Variants in SPECC1 observed in about 807,000 individuals in gnomAD.
The protein encoded by SPECC1 is cytospin-B.
A neutral mutation model predicts 104.1 loss-of-function variants in SPECC1; 62 were observed. That is an observed-to-expected ratio of 0.60 (90% CI 0.49 to 0.74). The LOEUF (loss-of-function observed/expected upper bound fraction) is 0.74. Among genes scored for constraint, SPECC1 ranks in the 30% least tolerant of loss-of-function variants. The probability of loss-of-function intolerance (pLI) is 0.00; values close to 1 mark genes in which losing one functional copy is unlikely to be tolerated. For missense variants in SPECC1, 1,306 were observed against 1,310.5 expected (o/e 1.00, Z 0.05); for synonymous variants, 513 against 501.6 (o/e 1.02, Z -0.30).
chr17:20,298,416 G>A lies in SPECC1; in HGVS notation c.3057+1339G>A, dbSNP rs576203141. On this transcript the variant is annotated intron_variant, in intron 13 of 14. Transcript: ENST00000395527. The stretch of plus-strand genomic sequence containing the variant: ...GGGCTATGGAGCAGCAGCAGCTGGG[G>A]AACACCTTGGTGTTGTCCAGGCCGT... 5.3e-5 allele frequency among the ~76,000 whole-genome samples: 8 copies of A among 152,330 alleles called. No homozygotes were observed. The East Asian group carries it at 7.7e-4, about 15-fold the overall frequency.
At chr17:20,233,298 G>A (rs1027930560) in intron 7 of SPECC1, among the ~76,000 whole-genome samples, 3 of 152,162 alleles carry the variant, frequency 2.0e-5, no homozygotes, top group Non-Finnish European at 4.4e-5. Flanking sequence ...ATGTTTCCAA[G>A]ATCAGTGGCT....
At chr17:20,164,237 G>A (rs753788978) in intron 3 of SPECC1, among the ~76,000 whole-genome samples, 3 of 150,444 alleles carry the variant, frequency 2.0e-5, no homozygotes, top group Non-Finnish European at 3.0e-5. Context: ...GCAGTGGTGC[G>A]ATGCTGGCCC....
intron 10 of SPECC1, among the ~76,000 whole-genome samples, chr17:20,256,398 G>A (rs1027179839): frequency 6.6e-6 from 1 of 152,108 alleles, no homozygotes; most frequent in African/African-American, 2.4e-5. Flanking sequence ...GAGGTCATTG[G>A]AAGCTGCAGA....
rs537087341 is a variant in SPECC1, at chr17:20,075,437, C to T, written c.-21-21194C>T. Among the ~76,000 whole-genome samples, 9 of 152,262 alleles carry T rather than the reference C, an allele frequency of 5.9e-5. No homozygotes were observed. The East Asian group carries it at 7.7e-4, about 13-fold the overall frequency. Reference sequence around the variant, plus strand: ...TCAATCCAGAGCTCATGCTCTGATACGGCATTTCAGTAAATTCAGAAATTG... The same window carrying T: ...TCAATCCAGAGCTCATGCTCTGATATGGCATTTCAGTAAATTCAGAAATTG... On this transcript the variant is annotated intron_variant, in intron 1 of 14. Coordinates refer to ENST00000395527, the MANE Select transcript of SPECC1 (RefSeq NM_001243439.2).
At chr17:20,096,527 T>C in intron 1 of SPECC1, 104 bp from the exon 2 acceptor site, 2 of 1,304,794 alleles carry the variant, frequency 1.5e-6, no homozygotes, top group Non-Finnish European at 2.1e-6. Context: ...GCTCCTACTC[T>C]GTGATAGTTC....
Position 20,315,478 on chromosome 17 carries a change from AGTT to A in SPECC1, c.*1417_*1419del, listed in dbSNP as rs1412408357. 3 of 232,752 alleles carry A rather than the reference AGTT, an allele frequency of 1.3e-5. No individual in the cohort carries two copies. The highest frequency in any genetic ancestry group is 6.6e-5 in the African/African-American group (3 of 45,292). 14.4% of individuals were successfully genotyped at this position (232,752 alleles called of 1,614,324 possible). ...CAGCGAGTGAGGGCGTGGCTCACAC[AGTT>A]GTTTGAGGGAAATGGGTAATGCCCA... is the stretch of plus-strand genomic sequence containing the variant. On this transcript the variant is annotated 3_prime_UTR_variant, in exon 15 of 15. Coordinates refer to ENST00000395527, the MANE Select transcript of SPECC1 (RefSeq NM_001243439.2).
chr17:20,205,259 A>G lies in SPECC1; in HGVS notation c.1210A>G (p.Met404Val). The G allele has an allele frequency of 6.2e-7, 1 of 1,614,220 alleles. No homozygotes were observed. Among genetic ancestry groups the G allele is most frequent in the Non-Finnish European group, 8.5e-7 (1 of 1,180,048 alleles). The change falls in exon 4 of 15, where the codon ATG becomes GTG. Residue 404 changes from methionine to valine, a missense_variant. Physicochemically the swap from Met to Val is conservative, Grantham distance 21. Around this residue, in one of 2 missense-constraint regions of SPECC1, gnomAD observed 1,177 missense variants for 1,139.9 expected, o/e 1.03. Coordinates refer to ENST00000395527, the MANE Select transcript of SPECC1 (RefSeq NM_001243439.2). The stretch of plus-strand genomic sequence containing the variant: ...ACAAGAATTATCAGACCAGCAACAA[A>G]TGGTACAGGAATTGACAGCTGAAAA... Reference protein sequence around the residue: ...TLQELSDQQQMVQELTAENEK... With the variant: ...TLQELSDQQQVVQELTAENEK...
At chr17:20,080,694 C>T (rs559372410) in intron 1 of SPECC1, among the ~76,000 whole-genome samples, 26 of 152,022 alleles carry the variant, frequency 1.7e-4, no homozygotes, top group Non-Finnish European at 3.2e-4. Context: ...CTGATGAGGT[C>T]GAACATAGGG....
intron 10 of SPECC1, among the ~76,000 whole-genome samples, chr17:20,255,949 C>A (rs547142026): frequency 1.3e-5 from 2 of 152,046 alleles, no homozygotes; most frequent in Non-Finnish European, 2.9e-5. Context: ...GTGAGCTCGG[C>A]TCACTGCAAT....
At chr17:20,156,887 TG>T (rs1317425074) in intron 3 of SPECC1, among the ~76,000 whole-genome samples, 1 of 152,240 alleles carries the variant, frequency 6.6e-6, no homozygotes, top group African/African-American at 2.4e-5. Flanking sequence ...GAAACATTTC[TG>T]GACTGTCACG....
intron 3 of SPECC1, among the ~76,000 whole-genome samples, chr17:20,157,200 C>T (rs577137144): frequency 6.6e-6 from 1 of 152,130 alleles, no homozygotes; most frequent in Non-Finnish European, 1.5e-5. Context: ...CCTTCATCTC[C>T]CAGCGCCCCA....
intron 7 of SPECC1, among the ~76,000 whole-genome samples, chr17:20,235,968 AC>A (rs2151495810): frequency 6.6e-6 from 1 of 152,264 alleles, no homozygotes; most frequent in South Asian, 2.1e-4. Flanking sequence ...CCTGAGTGTC[AC>A]TGTGTGTGCC....
rs188654000 is a variant in SPECC1 at position 20,236,779 on chromosome 17, A to G, written c.2351+4374A>G. The stretch of plus-strand genomic sequence containing the variant: ...TCCCTGTGGGACAGTGTAAGCTGGA[A>G]ATTCTTGCGTTTGTGAACTAAGACT... On this transcript the variant is annotated intron_variant, in intron 7 of 14. Coordinates refer to ENST00000395527, the MANE Select transcript of SPECC1 (RefSeq NM_001243439.2). 1.0e-4 allele frequency: 163 copies of G among 1,581,404 alleles called. 1 individual carries two copies. In the East Asian group the frequency reaches 3.6e-3, roughly 35 times the overall value.
At chr17:20,207,321 C>G (rs1179476250) in intron 4 of SPECC1, among the ~76,000 whole-genome samples, 1 of 152,142 alleles carries the variant, frequency 6.6e-6, no homozygotes. Context: ...CTCTCTTTGT[C>G]TGTATTCTAA....
At chr17:20,027,465 G>C (rs2044641334) in intron 1 of SPECC1, among the ~76,000 whole-genome samples, 1 of 152,064 alleles carries the variant, frequency 6.6e-6, no homozygotes, top group Non-Finnish European at 1.5e-5. Context: ...TTTGTTGCCT[G>C]TGTTTTTGAG....
chr17:20,124,489 C>T (rs376795187), intron 3 of SPECC1, among the ~76,000 whole-genome samples: 1 of 152,020 alleles, frequency 6.6e-6, no homozygotes, highest in Non-Finnish European at 1.5e-5. Context: ...GGGGCTGAAT[C>T]GCTTTGGAGA....
intron 14 of SPECC1, among the ~76,000 whole-genome samples, chr17:20,307,882 C>A (rs1461446128): frequency 6.6e-6 from 1 of 152,134 alleles, no homozygotes; most frequent in East Asian, 1.9e-4. Flanking sequence ...AAATATCCAT[C>A]TAGACATATT....
At chr17:20,014,026 G>A (rs968759178) in intron 1 of SPECC1, among the ~76,000 whole-genome samples, 11 of 151,792 alleles carry the variant, frequency 7.2e-5, no homozygotes, top group Admixed American at 3.9e-4. Flanking sequence ...GCATGTGCTC[G>A]GTTTTAGTAG....
intron 4 of SPECC1, among the ~76,000 whole-genome samples, chr17:20,213,362 T>C (rs1306891545): frequency 6.6e-6 from 1 of 152,204 alleles, no homozygotes; most frequent in Non-Finnish European, 1.5e-5. Context: ...CCCAAAGTGC[T>C]GGGATTGCAG....
Sources: allele counts gnomAD v4.1 joint callset (sites outside exome capture counted in the v4.1 genomes callset), GRCh38; gene constraint gnomAD v4.1.1; regional missense constraint gnomAD v4.1.1; transcripts MANE v1.5; gene names NCBI Gene and HGNC (gene_info 2026-07-23, HGNC 2026-07-21).